The following PATZ1 variants were observed in gnomAD, a reference collection of about 807,000 sequenced individuals.
PATZ1 encodes POZ-, AT hook-, and zinc finger-containing protein 1.
Under a neutral mutation model 46.2 loss-of-function variants are expected in PATZ1, and 9 were observed. The ratio of observed to expected loss-of-function variants is 0.19; its 90% confidence interval spans 0.12 to 0.34. PATZ1 has a LOEUF of 0.34. Ranked by LOEUF, PATZ1 falls within the 10% of genes least tolerant of loss-of-function variation. PATZ1 has a pLI of 1.00. For missense variants in PATZ1, 632 were observed against 923.0 expected (o/e 0.68, Z 4.08); for synonymous variants, 426 against 378.6 (o/e 1.13, Z -1.45).
chr22:31,345,444 T>G lies in PATZ1; in HGVS notation c.159A>C (p.Pro53=), dbSNP rs939352428. The G allele has an allele frequency of 6.2e-7, 1 of 1,611,764 alleles. No individual in the cohort carries two copies. The highest frequency in any genetic ancestry group is 1.3e-5 in the African/African-American group (1 of 74,964). Residue 53 remains proline (P), a synonymous_variant, in exon 1 of 5, where the codon CCA becomes CCC. Transcript: ENST00000266269. The surrounding 1 kb of genome is among the most constrained non-coding windows in gnomAD (Gnocchi z 7.4). The part of the protein sequence containing the change: ...VLLRVGDESF[P]AHRAVLAACS... ...AGGCGGCCAGCACGGCGCGGTGCGC[T>G]GGGAAGCTCTCGTCGCCTACCCGCA... is the stretch of plus-strand genomic sequence containing the variant.
rs530864884 is a variant in PATZ1 at position 31,343,091 on chromosome 22, A to G, written c.1272-131T>C. The G allele has an allele frequency of 1.1e-3, 1,589 of 1,469,686 alleles. 7 individuals carry two copies. Among genetic ancestry groups the G allele is most frequent in the Middle Eastern group, 3.4e-3 (18 of 5,294 alleles). The allele number at this position is 1,469,686 out of a possible 1,614,324, so 91.0% of individuals were successfully genotyped here. A position where few individuals can be genotyped will look rare whatever the true frequency, so the allele number is the denominator to read the frequency against. On this transcript the variant is annotated intron_variant, in intron 1 of 4. Coordinates refer to ENST00000266269, the MANE Select transcript of PATZ1 (RefSeq NM_014323.3). ...AGGACTCCCTCTCCCCAACCCCAGC[A>G]TGACAAAGACAAAGTCACCACCCAG...
chr22:31,341,634 C>T (rs1266196834), intron 2 of PATZ1: 1 of 1,614,036 alleles, frequency 6.2e-7, no homozygotes. Flanking sequence ...TGGCAGGTCG[C>T]TAGGAAGAGG....
In PATZ1 at chr22:31,328,679, C is replaced by G; in HGVS notation, c.1645+108G>C. 1 of 993,782 alleles carries G rather than the reference C, an allele frequency of 1.0e-6. No homozygotes were observed. Among genetic ancestry groups the G allele is most frequent in the East Asian group, 2.5e-5 (1 of 40,480 alleles). The allele number at this position is 993,782 out of a possible 1,614,324, so 61.6% of individuals were successfully genotyped here. ...TGCCACTCAGATCTCTGAGTCTCCT[C>G]AAGGCAGCCAGAAAGCCGGCAGCCT... is the stretch of plus-strand genomic sequence containing the variant. On this transcript the variant is annotated intron_variant, in intron 4 of 4. Transcript: ENST00000266269. The surrounding 1 kb of genome is among the most constrained non-coding windows in gnomAD (Gnocchi z 4.8).
At position 31,345,070 on chromosome 22, in the gene PATZ1, G is replaced by T; in HGVS notation, c.533C>A (p.Pro178His). The change falls in exon 1 of 5, where the codon CCT becomes CAT. Residue 178 changes from proline to histidine, a missense_variant. Physicochemically the swap from Pro to His is moderately conservative, Grantham distance 77 (BLOSUM62 -2). Transcript: ENST00000266269. This position sits in a 1 kb window ranked among gnomAD's most constrained non-coding sequence, Gnocchi z 7.4. ...AGGGAAGCCCAAGTCCGAGGTCCCAGGGGGGCGAAAGAGCATTATATCGGC... is the reference window on the plus strand; with the variant it reads ...AGGGAAGCCCAAGTCCGAGGTCCCATGGGGGCGAAAGAGCATTATATCGGC... ...ARADIMLFRP[P>H]GTSDLGFPLD... The T allele has an allele frequency of 6.2e-7, 1 of 1,614,158 alleles. No homozygotes were observed. Among genetic ancestry groups the T allele is most frequent in the East Asian group, 2.2e-5 (1 of 44,890 alleles).
chr22:31,337,467 GATCA>G (rs1329048831), intron 2 of PATZ1, among the ~76,000 whole-genome samples: 1 of 152,190 alleles, frequency 6.6e-6, no homozygotes, highest in African/African-American at 2.4e-5. Flanking sequence ...TAGTACCAGT[GATCA>G]GTCTCCTCAC....
Position 31,341,173 on chromosome 22 carries a change from A to C in PATZ1, c.1335+1724T>G, listed in dbSNP as rs1326259557. 8 of 1,224,916 alleles carry C rather than the reference A, an allele frequency of 6.5e-6. No individual in the cohort carries two copies. The African/African-American group carries it at 1.1e-4, about 17-fold the overall frequency. 75.9% of individuals were successfully genotyped at this position (1,224,916 alleles called of 1,614,324 possible). On this transcript the variant is annotated intron_variant, in intron 2 of 4. Coordinates refer to ENST00000266269, the MANE Select transcript of PATZ1 (RefSeq NM_014323.3). ...AGGGGTGCCATCTGTGAAAGGGGGG[A>C]AAAGGCAAGAGAGCCCAGAAAGAAA...
chr22:31,332,361 T>C (rs1254447409), intron 3 of PATZ1, among the ~76,000 whole-genome samples: 1 of 152,160 alleles, frequency 6.6e-6, no homozygotes, highest in East Asian at 1.9e-4. Flanking sequence ...ATTCTAAACT[T>C]ACCCACCCAT....
At position 31,332,686 on chromosome 22, in the gene PATZ1, A is replaced by C. The variant is rs1032250781; in HGVS notation, c.1507+3006T>G. Among the ~76,000 whole-genome samples, 4 of 152,250 alleles carry C rather than the reference A, an allele frequency of 2.6e-5. No homozygotes were observed. In the East Asian group the frequency reaches 7.7e-4, roughly 29 times the overall value. ...CTGCACTGTGTTGGAGTGGGCCTAC[A>C]TAGCTTGATGTGAGTCCAGGGGAAC... is the stretch of plus-strand genomic sequence containing the variant. On this transcript the variant is annotated intron_variant, in intron 3 of 4. Coordinates refer to ENST00000266269, the MANE Select transcript of PATZ1 (RefSeq NM_014323.3).
At chr22:31,340,769 G>A (rs746409671) in intron 2 of PATZ1, 36 of 1,055,466 alleles carry the variant, frequency 3.4e-5, no homozygotes, top group Non-Finnish European at 3.8e-5. Flanking sequence ...GAGGGAGGGG[G>A]TCTACATCTG....
At chr22:31,336,951 C>T (rs765595651) in intron 2 of PATZ1, among the ~76,000 whole-genome samples, 20 of 150,388 alleles carry the variant, frequency 1.3e-4, no homozygotes, top group Non-Finnish European at 2.8e-4. Context: ...CTACTAAAAA[C>T]ACAAAAAAAT....
chr22:31,342,991 G>GA, intron 1 of PATZ1, 31 bp from the exon 2 acceptor site: 1 of 1,613,448 alleles, frequency 6.2e-7, no homozygotes, highest in Non-Finnish European at 8.5e-7. Flanking sequence ...AGGGACTTTA[G>GA]AAACTTGGCC....
intron 2 of PATZ1, among the ~76,000 whole-genome samples, chr22:31,342,212 C>T (rs2049591439): frequency 6.6e-6 from 1 of 152,124 alleles, no homozygotes; most frequent in Admixed American, 6.5e-5. Context: ...GCAGGGCCCC[C>T]AGATATTGTT....
intron 3 of PATZ1, among the ~76,000 whole-genome samples, chr22:31,331,486 C>T (rs926541505): frequency 6.6e-6 from 1 of 151,942 alleles, no homozygotes; most frequent in South Asian, 2.1e-4. Context: ...ACTACAGGCG[C>T]CCGCCACCAT....
In PATZ1 at chr22:31,345,052, C is replaced by T. The variant is rs1425440340; in HGVS notation, c.551G>A (p.Gly184Asp). 7.4e-6 allele frequency: 12 copies of T among 1,614,004 alleles called. No homozygotes were observed. The highest frequency in any genetic ancestry group is 5.5e-5 in the South Asian group (5 of 91,080). The change falls in exon 1 of 5, where the codon GGC becomes GAC. Residue 184 changes from glycine to aspartate, a missense_variant. Gly to Asp is a moderately conservative substitution (Grantham distance 94). Around this residue, in one of 7 missense-constraint regions of PATZ1, gnomAD observed 279 missense variants for 284.3 expected, o/e 0.98. Coordinates refer to ENST00000266269, the MANE Select transcript of PATZ1 (RefSeq NM_014323.3). The surrounding 1 kb of genome is among the most constrained non-coding windows in gnomAD (Gnocchi z 7.4). ...CCCGTTGGTCATGTCCAAAGGGAAG[C>T]CCAAGTCCGAGGTCCCAGGGGGGCG... ...LFRPPGTSDL[G>D]FPLDMTNGAA...
intron 3 of PATZ1, among the ~76,000 whole-genome samples, chr22:31,333,033 T>A (rs2049461425): frequency 6.6e-6 from 1 of 152,212 alleles, no homozygotes; most frequent in South Asian, 2.1e-4. Flanking sequence ...GATCTTCCTG[T>A]ACAAATAGTA....
chr22:31,343,092 T>C (rs1245964568), intron 1 of PATZ1, 132 bp from the exon 2 acceptor site: 20 of 1,463,990 alleles, frequency 1.4e-5, no homozygotes, highest in Non-Finnish European at 9.1e-7. Context: ...AACCCCAGCA[T>C]GACAAAGACA....
At chr22:31,343,942 A>G (rs1601498473) in intron 1 of PATZ1, among the ~76,000 whole-genome samples, 1 of 151,078 alleles carries the variant, frequency 6.6e-6, no homozygotes, top group South Asian at 2.1e-4. Context: ...TTGTTCCAGT[A>G]CCTCCCTCGG....
chr22:31,344,027 G>A (rs1200689895), intron 1 of PATZ1, among the ~76,000 whole-genome samples: 4 of 152,158 alleles, frequency 2.6e-5, no homozygotes, highest in African/African-American at 4.8e-5. Flanking sequence ...CCTGGTGCCG[G>A]AAACACAAAG....
chr22:31,326,907 C>T lies in PATZ1; in HGVS notation c.2048G>A (p.Gly683Glu), dbSNP rs756377516. ...VDPEVDQQPM[G>E]PEGK ...GCAGCTGCCTCATTTCCCTTCAGGC[C>T]CCATGGGCTGCTGGTCAACCTCAGG... The change falls in exon 5 of 5, where the codon GGG (glycine) becomes GAG (glutamate). Residue 683 changes from glycine (G) to glutamate (E), a missense_variant. Around this residue, in one of 7 missense-constraint regions of PATZ1, gnomAD observed 176 missense variants for 249.4 expected, o/e 0.71. Coordinates refer to ENST00000266269, the MANE Select transcript of PATZ1 (RefSeq NM_014323.3). 8.7e-6 allele frequency: 14 copies of T among 1,613,334 alleles called. No individual in the cohort carries two copies. Among genetic ancestry groups the T allele is most frequent in the Non-Finnish European group, 1.1e-5 (13 of 1,179,508 alleles).
Sources: allele counts gnomAD v4.1 joint callset (sites outside exome capture counted in the v4.1 genomes callset), GRCh38; gene constraint gnomAD v4.1.1; regional missense constraint gnomAD v4.1.1; non-coding constraint Gnocchi (gnomAD v3.1); transcripts MANE v1.5; gene names NCBI Gene and HGNC (gene_info 2026-07-23, HGNC 2026-07-21).